The following INTS4 variants were observed in gnomAD, a reference collection of about 807,000 sequenced individuals.
INTS4 encodes integrator complex subunit 4, also known as MSTP093.
Under a neutral mutation model 119.5 loss-of-function variants are expected in INTS4, and 70 were observed. That is an observed-to-expected ratio of 0.59 (90% confidence interval 0.48 to 0.71). INTS4 has a LOEUF of 0.71. Among genes scored for constraint, INTS4 ranks in the 30% least tolerant of loss-of-function variants. The pLI, the probability that INTS4 is intolerant of heterozygous loss-of-function variation, is 0.00. For synonymous variants in INTS4, 316 were observed against 419.6 expected, an observed-to-expected ratio of 0.75 and a Z score of 3.02; for missense variants, 867 against 1,173.2, an observed-to-expected ratio of 0.74 and a Z score of 3.81.
Position 77,907,721 on chromosome 11 carries a change from A to C in INTS4, c.2012T>G (p.Ile671Ser), listed in dbSNP as rs769780275. ...ATYLRCQLLLIKALQEKLWNV... is the reference protein window; with the variant it reads ...ATYLRCQLLLSKALQEKLWNV... ...ATGGAATGGATGCAAACCAACCTTG[A>C]TGAGAAGTAGTTGACAGCGAAGATA... Residue 671 changes from isoleucine (I) to serine (S), a missense_variant, in exon 16 of 23, where the codon ATC becomes AGC. By Grantham distance (142) the Ile-to-Ser change is moderately radical (BLOSUM62 -2). This residue lies in a region of INTS4 where 262 missense variants were observed against 376.0 expected (regional missense o/e 0.70). Coordinates refer to ENST00000534064, the MANE Select transcript of INTS4 (RefSeq NM_033547.4). 1.2e-6 allele frequency: 2 copies of C among 1,611,876 alleles called. No individual in the cohort carries two copies. The highest frequency in any genetic ancestry group is 1.7e-6 in the Non-Finnish European group (2 of 1,178,272).
intron 17 of INTS4, among the ~76,000 whole-genome samples, chr11:77,903,099 A>C (rs1952827787): frequency 6.6e-6 from 1 of 152,188 alleles, no homozygotes; most frequent in Non-Finnish European, 1.5e-5. Context: ...AAGAGAAAAA[A>C]TCCAGGGAAT....
At chr11:77,879,304 TC>T (rs1428503975) in intron 22 of INTS4, among the ~76,000 whole-genome samples, 177 bp from the exon 23 acceptor site, 1 of 152,188 alleles carries the variant, frequency 6.6e-6, no homozygotes, top group Non-Finnish European at 1.5e-5. Flanking sequence ...GTGATGCTGT[TC>T]CATCACCTTC....
chr11:77,876,356 C>T (rs1379710917), downstream of INTS4, among the ~76,000 whole-genome samples: 2 of 152,044 alleles, frequency 1.3e-5, no homozygotes, highest in Non-Finnish European at 2.9e-5. Context: ...GAAGGTGCCA[C>T]ACTGGAGTGC....
chr11:77,940,712 C>T (rs1953910403), intron 9 of INTS4, among the ~76,000 whole-genome samples: 1 of 152,148 alleles, frequency 6.6e-6, no homozygotes, highest in Non-Finnish European at 1.5e-5. Context: ...TCTCGGCTCA[C>T]TGCAACCTCT....
At chr11:77,951,621 A>T (rs1954198133) in intron 8 of INTS4, among the ~76,000 whole-genome samples, 1 of 152,272 alleles carries the variant, frequency 6.6e-6, no homozygotes, top group African/African-American at 2.4e-5. Context: ...TTCATGTCAA[A>T]AACACCAAAA....
At chr11:77,970,879 T>C (rs1026710547) in intron 4 of INTS4, among the ~76,000 whole-genome samples, 2 of 152,102 alleles carry the variant, frequency 1.3e-5, no homozygotes, top group African/African-American at 4.8e-5. Context: ...TGGGAAGATC[T>C]TGGCTCACTG....
chr11:77,883,342 G>C (rs1024159622), intron 22 of INTS4, among the ~76,000 whole-genome samples: 10 of 151,992 alleles, frequency 6.6e-5, no homozygotes, highest in African/African-American at 4.8e-5. Context: ...AATCTCCTTT[G>C]TACTTGTATT....
chr11:77,928,004 CAAA>C (rs1458706759), intron 11 of INTS4, among the ~76,000 whole-genome samples: 1 of 152,076 alleles, frequency 6.6e-6, no homozygotes, highest in Non-Finnish European at 1.5e-5. Context: ...GACCCTGTCT[CAAA>C]AGAAGAAGGC....
intron 15 of INTS4, among the ~76,000 whole-genome samples, chr11:77,911,604 T>A (rs1953089999): frequency 6.6e-6 from 1 of 152,188 alleles, no homozygotes; most frequent in Non-Finnish European, 1.5e-5. Flanking sequence ...CCATAAGAAA[T>A]CTGAACTTCT....
chr11:77,896,735 A>G (rs993461768), intron 18 of INTS4, among the ~76,000 whole-genome samples: 2 of 152,026 alleles, frequency 1.3e-5, no homozygotes, highest in Non-Finnish European at 2.9e-5. Context: ...AGGTATAGGA[A>G]AAATAGATCC....
intron 16 of INTS4, 48 bp downstream of exon 16, chr11:77,907,669 G>A (rs1952989893): frequency 2.9e-6 from 4 of 1,364,770 alleles, no homozygotes; most frequent in Non-Finnish European, 4.2e-6. Context: ...GATCCACAAA[G>A]ATGCATTTTT....
At chr11:77,934,024 A>C (rs1183349567) in intron 10 of INTS4, among the ~76,000 whole-genome samples, 2 of 132,392 alleles carry the variant, frequency 1.5e-5, no homozygotes, top group Non-Finnish European at 3.2e-5. Flanking sequence ...TGGACTTAGG[A>C]GACTCCATTT....
chr11:77,919,202 G>A (rs1266203771), intron 14 of INTS4, among the ~76,000 whole-genome samples: 1 of 152,160 alleles, frequency 6.6e-6, no homozygotes, highest in South Asian at 2.1e-4. Flanking sequence ...AGCCACAGCT[G>A]CCAGGAGAAA....
At chr11:77,924,668 C>G in intron 12 of INTS4, 82 bp downstream of exon 12, 1 of 1,350,826 alleles carries the variant, frequency 7.4e-7, no homozygotes, top group Non-Finnish European at 1.0e-6. Flanking sequence ...TATCCTCAAT[C>G]TATAAGGACG....
At chr11:77,898,944 C>T (rs1372174697) in intron 18 of INTS4, among the ~76,000 whole-genome samples, 7 of 152,094 alleles carry the variant, frequency 4.6e-5, no homozygotes, top group Non-Finnish European at 7.4e-5. Flanking sequence ...TGCTTGGACC[C>T]GGGAACCAGA....
chr11:77,889,151 A>G (rs913454110), intron 21 of INTS4, among the ~76,000 whole-genome samples: 1 of 152,196 alleles, frequency 6.6e-6, no homozygotes, highest in African/African-American at 2.4e-5. Context: ...CACCACTCAC[A>G]ATAGCAAAGA....
At chr11:77,910,555 C>T (rs1318275831) in intron 15 of INTS4, among the ~76,000 whole-genome samples, 1 of 151,708 alleles carries the variant, frequency 6.6e-6, no homozygotes, top group South Asian at 2.1e-4. Context: ...AACTAACCTG[C>T]ACATTGTGCA....
chr11:77,878,167 C>T (rs1028059891), downstream of INTS4, among the ~76,000 whole-genome samples: 3 of 152,030 alleles, frequency 2.0e-5, no homozygotes, highest in East Asian at 3.9e-4. Context: ...TCAAGACCAT[C>T]CTGGCTAACA....
chr11:77,962,782 G>A (rs1004569705), intron 4 of INTS4, among the ~76,000 whole-genome samples: 1 of 151,802 alleles, frequency 6.6e-6, no homozygotes, highest in Non-Finnish European at 1.5e-5. Flanking sequence ...TTCTCAAAGT[G>A]AGTCACTAGT....
Sources: allele counts gnomAD v4.1 joint callset (sites outside exome capture counted in the v4.1 genomes callset), GRCh38; gene constraint gnomAD v4.1.1; regional missense constraint gnomAD v4.1.1; transcripts MANE v1.5; gene names NCBI Gene and HGNC (gene_info 2026-07-23, HGNC 2026-07-21).